ASTN1: variants seen among roughly 807,000 people sequenced by gnomAD.
The protein encoded by ASTN1 is astrotactin 1.
Under a neutral mutation model 140.7 loss-of-function variants are expected in ASTN1, and 41 were observed. The ratio of observed to expected loss-of-function variants is 0.29; its 90% CI spans 0.23 to 0.38. The LOEUF (loss-of-function observed/expected upper bound fraction) is 0.38, where lower values mean the gene tolerates loss of function less well. Among genes scored for constraint, ASTN1 ranks in the 10% least tolerant of loss-of-function variants. ASTN1 has a pLI of 1.00. For synonymous variants in ASTN1, 640 were observed against 652.2 expected, an observed-to-expected ratio of 0.98 and a Z score of 0.29; for missense variants, 1,479 against 1,678.8, an observed-to-expected ratio of 0.88 and a Z score of 2.08.
chr1:177,122,567 G>C lies in ASTN1; in HGVS notation c.283+41827C>G, dbSNP rs138937908. 1.0e-3 allele frequency among the ~76,000 whole-genome samples: 155 copies of C among 152,172 alleles called. 1 individual carries two copies. Among genetic ancestry groups the C allele is most frequent in the African/African-American group, 3.5e-3 (144 of 41,504 alleles). On this transcript the variant is annotated intron_variant, in intron 1 of 22. Transcript: ENST00000361833. ...ATCCTGCTGCGCCTCACCACTCCAG[G>C]ATACTACACTCAGCTCAGACTCCTG...
chr1:177,034,784 C>T (rs1309558783), intron 2 of ASTN1, among the ~76,000 whole-genome samples: 1 of 152,168 alleles, frequency 6.6e-6, no homozygotes, highest in African/African-American at 2.4e-5. Context: ...TTAAGCCACA[C>T]AGAAGGAATA....
Position 177,029,216 on chromosome 1 carries a change from C to G in ASTN1, c.1120+418G>C, listed in dbSNP as rs188742947. On this transcript the variant is annotated intron_variant, in intron 5 of 22. Coordinates refer to ENST00000361833, the MANE Select transcript of ASTN1 (RefSeq NM_004319.3). ...AGATCATTCCTCAACTACACTGCCC[C>G]CAATCCTTGCCTAGCTCAAACCCAA... 3,824 of 430,538 alleles carry G rather than the reference C, an allele frequency of 8.9e-3. 28 individuals are homozygous for G. Among genetic ancestry groups the G allele is most frequent in the Non-Finnish European group, 0.014 (3,008 of 211,616 alleles). 26.7% of individuals were successfully genotyped at this position (430,538 alleles called of 1,614,324 possible). A position where few individuals can be genotyped will look rare whatever the true frequency, so the allele number is the denominator to read the frequency against.
intron 8 of ASTN1, among the ~76,000 whole-genome samples, chr1:177,007,612 C>A (rs1675061736): frequency 6.6e-6 from 1 of 152,120 alleles, no homozygotes; most frequent in Non-Finnish European, 1.5e-5. Flanking sequence ...GGCCCTCTCC[C>A]AGACTTGTGA....
At chr1:176,897,816 C>T (rs1669586377) in intron 16 of ASTN1, among the ~76,000 whole-genome samples, 1 of 152,276 alleles carries the variant, frequency 6.6e-6, no homozygotes, top group East Asian at 1.9e-4. Flanking sequence ...CCCCCAATAT[C>T]CTTAACATGG....
chr1:176,924,966 G>T (rs1670893271), intron 16 of ASTN1, among the ~76,000 whole-genome samples: 1 of 152,126 alleles, frequency 6.6e-6, no homozygotes, highest in South Asian at 2.1e-4. Context: ...GTAAGATTAG[G>T]AAAATGTTGC....
chr1:176,942,820 G>GTGTATATATATATATA (rs1553231482), intron 14 of ASTN1, among the ~76,000 whole-genome samples: 9 of 25,288 alleles, frequency 3.6e-4, no homozygotes, highest in Non-Finnish European at 6.4e-4. Flanking sequence ...TTGTGTGTGT[G>GTGTATATATATATATA]TATATATATA....
At chr1:177,008,873 A>T (rs980698886) in intron 8 of ASTN1, among the ~76,000 whole-genome samples, 1 of 152,150 alleles carries the variant, frequency 6.6e-6, no homozygotes, top group African/African-American at 2.4e-5. Flanking sequence ...AGATAAAGAA[A>T]CAGCCATAGT....
At chr1:176,882,474 G>T (rs1668842837) in intron 20 of ASTN1, among the ~76,000 whole-genome samples, 1 of 152,164 alleles carries the variant, frequency 6.6e-6, no homozygotes, top group Non-Finnish European at 1.5e-5. Flanking sequence ...ACTGTTGGTT[G>T]AAATTCTACA....
chr1:177,011,324 T>C (rs1286358475), intron 8 of ASTN1, among the ~76,000 whole-genome samples: 2 of 152,140 alleles, frequency 1.3e-5, no homozygotes, highest in Non-Finnish European at 2.9e-5. Flanking sequence ...CGCTCACATC[T>C]TTATTTTAGT....
intron 13 of ASTN1, among the ~76,000 whole-genome samples, chr1:176,944,544 G>A (rs1436324765): frequency 1.3e-5 from 2 of 152,166 alleles, no homozygotes; most frequent in Non-Finnish European, 1.5e-5. Context: ...GATTATAGGC[G>A]TGAGCCACAG....
intron 1 of ASTN1, among the ~76,000 whole-genome samples, chr1:177,087,203 G>T (rs1367964260): frequency 6.6e-6 from 1 of 152,070 alleles, no homozygotes; most frequent in East Asian, 1.9e-4. Flanking sequence ...ATCCTGATCT[G>T]GTACAATACC....
chr1:177,143,743 A>G (rs932564736), intron 1 of ASTN1, among the ~76,000 whole-genome samples: 1 of 152,118 alleles, frequency 6.6e-6, no homozygotes, highest in Non-Finnish European at 1.5e-5. Context: ...TCATATGCCT[A>G]TATTTTTCTA....
chr1:176,925,917 T>C (rs1166753693), intron 16 of ASTN1, among the ~76,000 whole-genome samples: 1 of 152,026 alleles, frequency 6.6e-6, no homozygotes, highest in African/African-American at 2.4e-5. Flanking sequence ...GCCATTCTCT[T>C]GCCTCAGCCT....
intron 1 of ASTN1, among the ~76,000 whole-genome samples, chr1:177,154,600 T>G (rs1418023408): frequency 6.6e-6 from 1 of 152,062 alleles, no homozygotes; most frequent in Non-Finnish European, 1.5e-5. Context: ...AATAACAATA[T>G]GACACCACCA....
In ASTN1 at chr1:176,864,505, G is replaced by T; in HGVS notation, c.3664C>A (p.Leu1222Ile). The change falls in exon 23 of 23, where the codon CTT (leucine) becomes ATT (isoleucine). Residue 1222 changes from leucine to isoleucine, a missense_variant. Coordinates refer to ENST00000361833, the MANE Select transcript of ASTN1 (RefSeq NM_004319.3). ...CTGCTGAGGTCCCCAAGCTGGGAAA[G>T]GATGAGACCAGCTTTCCTATGGATC... ...ELGPRKAGLI[L>I]SQLGDLSSWC... is the part of the protein sequence containing the mutation. 1 of 1,614,030 alleles carries T rather than the reference G, an allele frequency of 6.2e-7. No homozygotes were observed. Among genetic ancestry groups the T allele is most frequent in the South Asian group, 1.1e-5 (1 of 91,074 alleles).
At chr1:177,081,590 G>A (rs1345372982) in intron 1 of ASTN1, among the ~76,000 whole-genome samples, 1 of 152,118 alleles carries the variant, frequency 6.6e-6, no homozygotes, top group Non-Finnish European at 1.5e-5. Context: ...CAGGGTGTGG[G>A]TGGCAAGGGG....
At chr1:177,080,205 C>T (rs2102073609) in intron 1 of ASTN1, among the ~76,000 whole-genome samples, 1 of 150,524 alleles carries the variant, frequency 6.6e-6, no homozygotes. Flanking sequence ...CTTCCTCTTC[C>T]CTTCCTAAGT....
At chr1:176,891,487 G>A (rs539781246) in intron 17 of ASTN1, among the ~76,000 whole-genome samples, 13 of 152,258 alleles carry the variant, frequency 8.5e-5, no homozygotes, top group East Asian at 1.9e-4. Context: ...AATAGGTGAT[G>A]CATGCTATAA....
chr1:177,129,899 G>A (rs1024385635), intron 1 of ASTN1, among the ~76,000 whole-genome samples: 1 of 152,132 alleles, frequency 6.6e-6, no homozygotes, highest in Non-Finnish European at 1.5e-5. Flanking sequence ...CCCAGGAGGT[G>A]GAGGTTGTGG....
Sources: allele counts gnomAD v4.1 joint callset (sites outside exome capture counted in the v4.1 genomes callset), GRCh38; gene constraint gnomAD v4.1.1; transcripts MANE v1.5; gene names NCBI Gene and HGNC (gene_info 2026-07-23, HGNC 2026-07-21).